The following MAF variants were observed in gnomAD, a reference collection of about 807,000 sequenced individuals.
MAF encodes the protein transcription factor Maf.
In MAF, 10 loss-of-function variants were observed where a neutral mutation model predicts 22.0. The observed-to-expected ratio is 0.45, with a 90% CI of 0.28 to 0.77. The LOEUF is 0.77. Among genes scored for constraint, MAF ranks in the 30% least tolerant of loss-of-function variants. MAF has a pLI of 0.12. For missense variants in MAF, 544 were observed against 548.4 expected, an observed-to-expected ratio of 0.99 and a Z score of 0.08; for synonymous variants, 337 against 255.8, an observed-to-expected ratio of 1.32 and a Z score of -3.03.
the MAF span, among the ~76,000 whole-genome samples, chr16:79,234,430 A>G: frequency 6.6e-6 from 1 of 152,176 alleles, no homozygotes; most frequent in South Asian, 2.1e-4. Context: ...TTCATTGTCA[A>G]TTTAGTAGCT....
chr16:79,552,284 G>A, the MAF span, among the ~76,000 whole-genome samples: 1 of 152,000 alleles, frequency 6.6e-6, no homozygotes, highest in East Asian at 1.9e-4. Flanking sequence ...AGCAACCATG[G>A]CTCACCGAAG....
chr16:79,426,796 T>A, the MAF span, among the ~76,000 whole-genome samples: 6 of 152,224 alleles, frequency 3.9e-5, no homozygotes, highest in African/African-American at 1.4e-4. Context: ...TTTTTCCCTC[T>A]GGGTCTGTTA....
chr16:79,242,545 C>G, the MAF span, among the ~76,000 whole-genome samples: 1 of 151,796 alleles, frequency 6.6e-6, no homozygotes, highest in African/African-American at 2.4e-5. Flanking sequence ...AGCACCCAGA[C>G]TCATAAAGCA....
chr16:79,311,101 G>T, the MAF span, among the ~76,000 whole-genome samples: 1 of 151,714 alleles, frequency 6.6e-6, no homozygotes, highest in East Asian at 1.9e-4. Context: ...GTGTCTCAGG[G>T]GCTTCTTAAC....
At chr16:79,508,625 C>A in the MAF span, among the ~76,000 whole-genome samples, 1 of 152,218 alleles carries the variant, frequency 6.6e-6, no homozygotes. Context: ...TACCATCCTA[C>A]CAGAGCCCAC....
chr16:79,437,136 CTCTCTCTCTCTGTGTGTGTGTG>C, the MAF span, among the ~76,000 whole-genome samples: 3 of 142,570 alleles, frequency 2.1e-5, no homozygotes, highest in Non-Finnish European at 4.6e-5. Flanking sequence ...GGAGAAAGCT[CTCTCTCTCTCTGTGTGTGTGTG>C]TGTGTGTGTG....
At chr16:79,361,935 TATA>T in the MAF span, among the ~76,000 whole-genome samples, 1 of 152,354 alleles carries the variant, frequency 6.6e-6, no homozygotes, top group African/African-American at 2.4e-5. Context: ...AGCATTTGAC[TATA>T]ATAATTGCTA....
the MAF span, among the ~76,000 whole-genome samples, chr16:79,307,015 C>T: frequency 6.6e-6 from 1 of 152,356 alleles, no homozygotes; most frequent in Non-Finnish European, 1.5e-5. Flanking sequence ...TGTTTCCCAA[C>T]TTCTGCACAT....
At chr16:79,443,058 A>G in the MAF span, among the ~76,000 whole-genome samples, 1 of 152,220 alleles carries the variant, frequency 6.6e-6, no homozygotes, top group Non-Finnish European at 1.5e-5. Context: ...GGGTCACACA[A>G]GAAGGAGGTA....
At chr16:79,544,768 G>A in the MAF span, among the ~76,000 whole-genome samples, 3 of 87,832 alleles carry the variant, frequency 3.4e-5, no homozygotes, top group African/African-American at 1.1e-4. Context: ...GCAAGGCTCT[G>A]TCTCAAAAAA....
the MAF span, among the ~76,000 whole-genome samples, chr16:79,418,655 C>A: frequency 9.9e-5 from 15 of 152,164 alleles, no homozygotes; most frequent in Non-Finnish European, 8.8e-5. Context: ...GAATTTTTTT[C>A]TCTCTCCTAG....
At chr16:79,288,474 A>T in the MAF span, among the ~76,000 whole-genome samples, 1 of 152,156 alleles carries the variant, frequency 6.6e-6, no homozygotes, top group Non-Finnish European at 1.5e-5. Flanking sequence ...AGCCCTTGGG[A>T]GTCATCACAG....
At chr16:79,448,418 TTTTA>T in the MAF span, among the ~76,000 whole-genome samples, 1 of 151,670 alleles carries the variant, frequency 6.6e-6, no homozygotes, top group African/African-American at 2.4e-5. Context: ...TTTTGTTTTG[TTTTA>T]TTTGTTTTTG....
chr16:79,368,168 T>A, the MAF span, among the ~76,000 whole-genome samples: 2 of 152,082 alleles, frequency 1.3e-5, no homozygotes, highest in African/African-American at 4.8e-5. Flanking sequence ...AGACTGGGAA[T>A]TATTTGGAGG....
the MAF span, among the ~76,000 whole-genome samples, chr16:79,422,756 C>A: frequency 6.6e-6 from 1 of 152,080 alleles, no homozygotes; most frequent in Non-Finnish European, 1.5e-5. Flanking sequence ...TTCCAGTTAC[C>A]ATTCTATTAT....
chr16:79,227,313 T>C, the MAF span, among the ~76,000 whole-genome samples: 4 of 152,194 alleles, frequency 2.6e-5, no homozygotes, highest in East Asian at 7.7e-4. Flanking sequence ...ATTGTGCCAC[T>C]GCACTCTAGC....
the MAF span, among the ~76,000 whole-genome samples, chr16:79,563,391 G>GTTTC: frequency 6.6e-6 from 1 of 151,584 alleles, no homozygotes; most frequent in African/African-American, 2.4e-5. Context: ...TGAAAATATT[G>GTTTC]TTTCTTTCTG....
chr16:79,206,464 A>AG, the MAF span: 1 of 152,208 alleles, frequency 6.6e-6, no homozygotes, highest in East Asian at 1.9e-4. Context: ...AAATAAATGG[A>AG]AATACTAACT....
chr16:79,233,001 C>T, the MAF span, among the ~76,000 whole-genome samples: 30 of 151,808 alleles, frequency 2.0e-4, no homozygotes, highest in Non-Finnish European at 4.0e-4. Flanking sequence ...CCTCCATGCA[C>T]GGCTAATGTT....
Sources: gnomAD v4.1 joint callset for allele counts (sites outside exome capture counted in the v4.1 genomes callset) on GRCh38, gnomAD v4.1.1 for gene constraint, MANE v1.5 for transcripts, NCBI Gene and HGNC (gene_info 2026-07-23, HGNC 2026-07-21) for gene names.